BANP: variants seen among roughly 807,000 people sequenced by gnomAD.
The protein encoded by BANP is protein BANP.
In BANP, 11 loss-of-function variants were observed where a neutral mutation model predicts 68.1. The ratio of observed to expected loss-of-function variants is 0.16; its 90% CI spans 0.10 to 0.27. The LOEUF is 0.27. Ranked by LOEUF, BANP falls within the 10% of genes least tolerant of loss-of-function variation. BANP has a pLI of 1.00. For synonymous variants in BANP, 329 were observed against 303.2 expected, an observed-to-expected ratio of 1.09 and a Z score of -0.88; for missense variants, 504 against 722.7, an observed-to-expected ratio of 0.70 and a Z score of 3.47.
chr16:88,019,192 C>T (rs10863196), intron 7 of BANP, among the ~76,000 whole-genome samples: 104,325 of 152,042 alleles, frequency 0.69, 37,628 homozygotes, highest in Non-Finnish European at 0.82. Context: ...CCTGTGACGT[C>T]TCCGTCCCCT....
intron 6 of BANP, among the ~76,000 whole-genome samples, chr16:88,013,031 A>T (rs2073584923): frequency 6.6e-6 from 1 of 152,206 alleles, no homozygotes; most frequent in Admixed American, 6.5e-5. Flanking sequence ...CTTCCATTTC[A>T]GTGTAGAAAA....
intron 11 of BANP, among the ~76,000 whole-genome samples, chr16:88,044,726 G>T (rs1357809888): frequency 6.6e-6 from 1 of 152,228 alleles, no homozygotes; most frequent in East Asian, 1.9e-4. Flanking sequence ...GCTCACGCCT[G>T]TAATCCCAGC....
chr16:87,956,107 G>A (rs927231998), intron 1 of BANP, among the ~76,000 whole-genome samples: 1 of 152,176 alleles, frequency 6.6e-6, no homozygotes, highest in Non-Finnish European at 1.5e-5. Context: ...AGGATTGTTA[G>A]CCTTTGGGTT....
At chr16:87,980,894 G>A (rs2063129099) in intron 2 of BANP, 142 bp from the exon 3 acceptor site, 1 of 631,752 alleles carries the variant, frequency 1.6e-6, no homozygotes, top group South Asian at 1.9e-5. Flanking sequence ...CTGAGAATAA[G>A]TTTAAAAAGG....
chr16:87,986,372 G>T (rs1567668737), intron 4 of BANP, among the ~76,000 whole-genome samples: 1 of 152,158 alleles, frequency 6.6e-6, no homozygotes, highest in South Asian at 2.1e-4. Context: ...AATGTGTGAT[G>T]GGGGGAGAGG....
chr16:88,022,405 G>A (rs1210034619), intron 7 of BANP, among the ~76,000 whole-genome samples: 2 of 152,144 alleles, frequency 1.3e-5, no homozygotes, highest in African/African-American at 2.4e-5. Flanking sequence ...TAGCAGTTAC[G>A]GAAAGACTGG....
At chr16:88,047,633 C>T (rs1340689376) in intron 11 of BANP, among the ~76,000 whole-genome samples, 1 of 152,168 alleles carries the variant, frequency 6.6e-6, no homozygotes, top group Non-Finnish European at 1.5e-5. Context: ...GGCGCCGGGC[C>T]TCACTGGAGT....
At position 88,041,112 on chromosome 16, in the gene BANP, A is replaced by T. The variant is rs115528660; in HGVS notation, c.1311+3101A>T. Among the ~76,000 whole-genome samples the T allele has an allele frequency of 7.8e-3, 1,194 of 152,198 alleles. 13 individuals are homozygous for T. Among genetic ancestry groups the T allele is most frequent in the African/African-American group, 0.027 (1,128 of 41,522 alleles). ...GCCCCTTTCCTTGTGCTGGGCTCACACTTGTTGCCGTTCTCCTCCTATTCC... is the reference window on the plus strand; with the variant it reads ...GCCCCTTTCCTTGTGCTGGGCTCACTCTTGTTGCCGTTCTCCTCCTATTCC... On this transcript the variant is annotated intron_variant, in intron 11 of 13. Transcript: ENST00000682872.
intron 6 of BANP, among the ~76,000 whole-genome samples, chr16:88,011,118 G>A (rs1273392994): frequency 5.3e-5 from 8 of 152,310 alleles, no homozygotes; most frequent in South Asian, 4.1e-4. Flanking sequence ...GCCACAGAGC[G>A]GCCGGAAGGG....
rs1188707327 is a variant in BANP, at chr16:88,076,635, G to C, written c.1567G>C (p.Glu523Gln). ...CACGCTACAGCCGGAGATGCAGCTC[G>C]AGCACGGGGCCATCCAGATTCAGTG... ...QPTLQPEMQL[E>Q]HGAIQIQ The change falls in exon 14 of 14, where the codon GAG (glutamate) becomes CAG (glutamine). Residue 523 changes from glutamate (E) to glutamine (Q), a missense_variant. Glu to Gln is a conservative substitution (Grantham distance 29). Coordinates refer to ENST00000682872, the MANE Select transcript of BANP (RefSeq NM_001386991.1). 1 of 1,610,724 alleles carries C rather than the reference G, an allele frequency of 6.2e-7. No homozygotes were observed. The highest frequency in any genetic ancestry group is 2.2e-5 in the East Asian group (1 of 44,860).
At chr16:88,025,892 T>G (rs938601602) in intron 7 of BANP, among the ~76,000 whole-genome samples, 2 of 152,214 alleles carry the variant, frequency 1.3e-5, no homozygotes, top group African/African-American at 4.8e-5. Context: ...TGTATTTTCC[T>G]GTAAATTAGT....
At chr16:88,009,072 G>C (rs1034671376) in intron 6 of BANP, among the ~76,000 whole-genome samples, 2 of 152,184 alleles carry the variant, frequency 1.3e-5, no homozygotes, top group African/African-American at 4.8e-5. Flanking sequence ...TAAATGTTGG[G>C]AAAATAGCCA....
intron 13 of BANP, 73 bp from the exon 14 acceptor site, chr16:88,076,517 C>A: frequency 7.5e-7 from 1 of 1,332,148 alleles, no homozygotes; most frequent in Non-Finnish European, 1.1e-6. Context: ...AAGTCACTGG[C>A]TGTTCATGAC....
chr16:88,042,725 C>G (rs1481520256), intron 11 of BANP, among the ~76,000 whole-genome samples: 6 of 151,968 alleles, frequency 3.9e-5, no homozygotes, highest in African/African-American at 1.5e-4. Context: ...TGATGCCAGC[C>G]TGGGCAACAT....
chr16:87,978,129 T>C (rs7404458), intron 2 of BANP, among the ~76,000 whole-genome samples: 53,070 of 152,188 alleles, frequency 0.35, 10,565 homozygotes, highest in Non-Finnish European at 0.47. Flanking sequence ...AGCCACCGCA[T>C]CCAGCCTGAT....
At chr16:87,953,906 C>A (rs1415699522) in intron 1 of BANP, among the ~76,000 whole-genome samples, 3 of 152,204 alleles carry the variant, frequency 2.0e-5, no homozygotes, top group Non-Finnish European at 1.5e-5. Flanking sequence ...GAACCTCTGG[C>A]AAGTGCTCTT....
At chr16:87,980,045 G>C (rs1053852656) in intron 2 of BANP, among the ~76,000 whole-genome samples, 9 of 152,138 alleles carry the variant, frequency 5.9e-5, no homozygotes, top group African/African-American at 1.9e-4. Flanking sequence ...AGATGGTCTC[G>C]CACCTCCCAC....
At chr16:88,053,791 A>G (rs957624178) in intron 11 of BANP, among the ~76,000 whole-genome samples, 5 of 149,032 alleles carry the variant, frequency 3.4e-5, no homozygotes, top group African/African-American at 1.3e-4. Context: ...AACAACCACT[A>G]CCACCACCAC....
chr16:87,970,800 C>A (rs1299443493), intron 1 of BANP, among the ~76,000 whole-genome samples: 1 of 152,078 alleles, frequency 6.6e-6, no homozygotes, highest in African/African-American at 2.4e-5. Flanking sequence ...GGGCGAATCA[C>A]CTGAGGTCGG....
Sources: gnomAD v4.1 joint callset for allele counts (sites outside exome capture counted in the v4.1 genomes callset) on GRCh38, gnomAD v4.1.1 for gene constraint, MANE v1.5 for transcripts, NCBI Gene and HGNC (gene_info 2026-07-23, HGNC 2026-07-21) for gene names.